PCDH9: variants seen among roughly 807,000 people sequenced by gnomAD.
PCDH9 encodes the protein protocadherin-9.
Under a neutral mutation model 70.6 loss-of-function variants are expected in PCDH9, and 24 were observed. That is an observed-to-expected ratio of 0.34 (90% CI 0.25 to 0.48). The LOEUF (loss-of-function observed/expected upper bound fraction) is 0.48, where lower values mean the gene tolerates loss of function less well. Ranked by LOEUF, PCDH9 falls within the 20% of genes least tolerant of loss-of-function variation. The pLI, the probability that PCDH9 is intolerant of heterozygous loss-of-function variation, is 0.99. For missense variants in PCDH9, 1,281 were observed against 1,503.6 expected (o/e 0.85, Z 2.45); for synonymous variants, 562 against 558.5 (o/e 1.01, Z -0.09).
chr13:67,065,055 G>A (rs988083774), intron 2 of PCDH9, among the ~76,000 whole-genome samples: 19 of 152,056 alleles, frequency 1.2e-4, no homozygotes, highest in African/African-American at 4.3e-4. Flanking sequence ...AACTGTCTTG[G>A]GGGAATTATG....
intron 2 of PCDH9, among the ~76,000 whole-genome samples, chr13:66,933,576 G>T (rs1322357758): frequency 6.6e-6 from 1 of 152,124 alleles, no homozygotes; most frequent in Non-Finnish European, 1.5e-5. Flanking sequence ...GTCCTAGTTG[G>T]TTCATAGCTT....
intron 4 of PCDH9, among the ~76,000 whole-genome samples, chr13:66,448,257 A>G (rs1301942255): frequency 2.0e-5 from 3 of 152,166 alleles, no homozygotes; most frequent in Non-Finnish European, 4.4e-5. Flanking sequence ...TGTATTTTTG[A>G]TGGCTCAGAA....
In PCDH9 at chr13:67,226,404, C is replaced by T. The variant is rs184620034; in HGVS notation, c.2037G>A (p.Pro679=). The T allele has an allele frequency of 9.1e-4, 1,462 of 1,614,098 alleles. 25 individuals are homozygous for T. The Admixed American group carries it at 0.022, about 25-fold the overall frequency. The change falls in exon 2 of 5, where the codon CCG becomes CCA. Residue 679 remains proline, a synonymous_variant. Coordinates refer to ENST00000377865, the MANE Select transcript of PCDH9 (RefSeq NM_203487.3). This position sits in a 1 kb window ranked among gnomAD's most constrained non-coding sequence, Gnocchi z 5.0. ...NDNSPVVISP[P]SNTSFKLVPL... is the part of the protein sequence containing the mutation. ...GCACCAACTTAAAGGAAGTATTAGA[C>T]GGTGGAGAAATGACAACTGGGCTGT...
intron 2 of PCDH9, among the ~76,000 whole-genome samples, chr13:67,101,863 A>G (rs988933015): frequency 3.3e-5 from 5 of 152,160 alleles, no homozygotes; most frequent in African/African-American, 1.2e-4. Flanking sequence ...TGTTAAATGG[A>G]ATACTAAGGC....
intron 4 of PCDH9, among the ~76,000 whole-genome samples, chr13:66,516,442 C>T (rs1959739022): frequency 6.6e-6 from 1 of 151,970 alleles, no homozygotes; most frequent in Admixed American, 6.6e-5. Flanking sequence ...GATATCTGCA[C>T]TCTAATATGT....
At chr13:66,622,897 C>G (rs1412825586) in intron 4 of PCDH9, among the ~76,000 whole-genome samples, 1 of 152,218 alleles carries the variant, frequency 6.6e-6, no homozygotes, top group African/African-American at 2.4e-5. Flanking sequence ...CTGTAACACT[C>G]ACCGCAAAGG....
At chr13:66,701,141 A>G (rs1240421171) in intron 3 of PCDH9, among the ~76,000 whole-genome samples, 2 of 151,512 alleles carry the variant, frequency 1.3e-5, no homozygotes, top group African/African-American at 4.8e-5. Flanking sequence ...CTGGGTCAAA[A>G]TGACCATTTA....
chr13:67,173,428 A>G (rs1447868642), intron 2 of PCDH9, among the ~76,000 whole-genome samples: 2 of 152,122 alleles, frequency 1.3e-5, no homozygotes, highest in Admixed American at 6.6e-5. Flanking sequence ...CAAATTATAT[A>G]TATATTTTCC....
chr13:66,996,449 C>A (rs961772739), intron 2 of PCDH9, among the ~76,000 whole-genome samples: 1 of 151,898 alleles, frequency 6.6e-6, no homozygotes, highest in African/African-American at 2.4e-5. Context: ...TGAGGTAGGC[C>A]TCACAGAGAA....
At chr13:67,040,891 C>G (rs1304277757) in intron 2 of PCDH9, among the ~76,000 whole-genome samples, 1 of 151,988 alleles carries the variant, frequency 6.6e-6, no homozygotes, top group Admixed American at 6.6e-5. Context: ...TTGAATGGAA[C>G]AAACACAATC....
chr13:66,772,979 C>T (rs531211789), intron 3 of PCDH9, among the ~76,000 whole-genome samples: 1 of 151,602 alleles, frequency 6.6e-6, no homozygotes, highest in Non-Finnish European at 1.5e-5. Flanking sequence ...AAGATACCAG[C>T]GACACTCTTA....
chr13:66,795,032 T>C (rs1003468195), intron 3 of PCDH9, among the ~76,000 whole-genome samples: 2 of 147,476 alleles, frequency 1.4e-5, no homozygotes, highest in East Asian at 4.0e-4. Context: ...AAGGAGGAGA[T>C]TGTGTTAAAT....
intron 4 of PCDH9, among the ~76,000 whole-genome samples, chr13:66,396,632 C>G (rs1478653012): frequency 6.6e-6 from 1 of 152,174 alleles, no homozygotes; most frequent in East Asian, 1.9e-4. Context: ...ATTCTAGCGT[C>G]AGCTCTGTTG....
At chr13:66,699,184 G>A (rs1020032457) in intron 3 of PCDH9, among the ~76,000 whole-genome samples, 1 of 152,036 alleles carries the variant, frequency 6.6e-6, no homozygotes, top group African/African-American at 2.4e-5. Context: ...AAAGTGCTGG[G>A]ATTACAGGTG....
intron 2 of PCDH9, among the ~76,000 whole-genome samples, chr13:67,099,221 T>C (rs575643268): frequency 5.3e-5 from 8 of 152,344 alleles, no homozygotes; most frequent in East Asian, 1.9e-4. Flanking sequence ...TCTTTTACCA[T>C]AGAAAAAATT....
intron 4 of PCDH9, among the ~76,000 whole-genome samples, chr13:66,328,641 A>G (rs1176922489): frequency 6.6e-6 from 1 of 152,102 alleles, no homozygotes. Flanking sequence ...ATTCTTTCCA[A>G]TTGATCCATG....
At chr13:67,117,496 A>C (rs977526746) in intron 2 of PCDH9, among the ~76,000 whole-genome samples, 9 of 152,164 alleles carry the variant, frequency 5.9e-5, no homozygotes, top group African/African-American at 2.2e-4. Context: ...ACTGAGCATC[A>C]CATTTTATGT....
chr13:67,098,737 G>A (rs886988537), intron 2 of PCDH9, among the ~76,000 whole-genome samples: 4 of 151,620 alleles, frequency 2.6e-5, no homozygotes, highest in African/African-American at 9.7e-5. Flanking sequence ...GCAAAATAAT[G>A]CATAAAAGAC....
chr13:66,483,339 G>C (rs1594049377), intron 4 of PCDH9, among the ~76,000 whole-genome samples: 1 of 152,126 alleles, frequency 6.6e-6, no homozygotes, highest in Admixed American at 6.5e-5. Flanking sequence ...GGTTATATTT[G>C]TGTCAGTATC....
Sources: gnomAD v4.1 joint callset for allele counts (sites outside exome capture counted in the v4.1 genomes callset) on GRCh38, gnomAD v4.1.1 for gene constraint, Gnocchi (gnomAD v3.1) non-coding constraint, MANE v1.5 for transcripts, NCBI Gene and HGNC (gene_info 2026-07-23, HGNC 2026-07-21) for gene names.